The following WWOX variants were observed in gnomAD, a reference collection of about 807,000 sequenced individuals.
WWOX encodes the protein WW domain containing oxidoreductase.
A neutral mutation model predicts 46.2 loss-of-function variants in WWOX; 69 were observed. The observed-to-expected ratio is 1.49, with a 90% confidence interval of 1.23 to 1.82. The LOEUF (loss-of-function observed/expected upper bound fraction) is 1.82, where lower values mean the gene tolerates loss of function less well. WWOX is among the 40% of genes most tolerant of loss of function. The pLI, the probability that WWOX is intolerant of heterozygous loss-of-function variation, is 0.00. For synonymous variants in WWOX, 359 were observed against 202.6 expected (o/e 1.77, Z -6.56); for missense variants, 919 against 542.6 (o/e 1.69, Z -6.89).
intron 6 of WWOX, among the ~76,000 whole-genome samples, chr16:78,395,452 G>A (rs2082263717): frequency 6.6e-6 from 1 of 152,134 alleles, no homozygotes; most frequent in Non-Finnish European, 1.5e-5. Context: ...CAGCATGGTG[G>A]AGGCTGCCAT....
intron 8 of WWOX, among the ~76,000 whole-genome samples, chr16:78,886,934 T>C (rs2151221943): frequency 6.6e-6 from 1 of 152,218 alleles, no homozygotes; most frequent in East Asian, 1.9e-4. Context: ...TTCTATCCTA[T>C]GAAAGTGAAT....
intron 5 of WWOX, among the ~76,000 whole-genome samples, chr16:78,385,620 T>C (rs2082045411): frequency 6.6e-6 from 1 of 152,160 alleles, no homozygotes; most frequent in Non-Finnish European, 1.5e-5. Flanking sequence ...GCAATTACGC[T>C]GAACGTCTCA....
At chr16:78,463,294 C>T (rs146506253) in intron 8 of WWOX, among the ~76,000 whole-genome samples, 157 of 152,250 alleles carry the variant, frequency 1.0e-3, no homozygotes, top group African/African-American at 3.4e-3. Context: ...CATTGTCCAT[C>T]CGTGGTAAAA....
At chr16:78,540,414 C>G (rs2043863893) in intron 8 of WWOX, among the ~76,000 whole-genome samples, 1 of 152,124 alleles carries the variant, frequency 6.6e-6, no homozygotes, top group Admixed American at 6.5e-5. Flanking sequence ...TAGTCCAGCA[C>G]ATTTGCTGAT....
chr16:78,514,367 C>G (rs189400540), intron 8 of WWOX, among the ~76,000 whole-genome samples: 14 of 152,296 alleles, frequency 9.2e-5, no homozygotes. Context: ...TGTGAGTTCA[C>G]TATTAGGTCC....
chr16:78,358,574 C>T (rs1395391425), intron 5 of WWOX, among the ~76,000 whole-genome samples: 1 of 152,116 alleles, frequency 6.6e-6, no homozygotes, highest in East Asian at 1.9e-4. Flanking sequence ...CTGAGAATCG[C>T]TTGAACCTGG....
intron 8 of WWOX, among the ~76,000 whole-genome samples, chr16:78,612,985 A>G (rs932404498): frequency 1.4e-4 from 21 of 152,164 alleles, no homozygotes; most frequent in Admixed American, 1.2e-3. Flanking sequence ...CTACCTGTGG[A>G]TCTATGACCC....
At chr16:78,418,287 C>T (rs928092229) in intron 6 of WWOX, among the ~76,000 whole-genome samples, 2 of 151,914 alleles carry the variant, frequency 1.3e-5, no homozygotes, top group African/African-American at 2.4e-5. Context: ...TGGCGTGAAC[C>T]CGGGAGGTGG....
At chr16:78,667,370 T>C (rs931048884) in intron 8 of WWOX, among the ~76,000 whole-genome samples, 1 of 152,166 alleles carries the variant, frequency 6.6e-6, no homozygotes, top group African/African-American at 2.4e-5. Flanking sequence ...CTACTTTTTT[T>C]AGAAAATTAA....
intron 8 of WWOX, among the ~76,000 whole-genome samples, chr16:79,061,381 C>G (rs993270746): frequency 6.6e-6 from 1 of 152,192 alleles, no homozygotes; most frequent in Non-Finnish European, 1.5e-5. Context: ...AAGAAGAATG[C>G]AGTTCCACGA....
chr16:79,058,615 C>T (rs942458240), intron 8 of WWOX, among the ~76,000 whole-genome samples: 1 of 152,108 alleles, frequency 6.6e-6, no homozygotes, highest in Non-Finnish European at 1.5e-5. Flanking sequence ...TGAAGCTGGC[C>T]TAATCCCTGG....
chr16:79,082,953 G>A (rs2048787822), intron 8 of WWOX, among the ~76,000 whole-genome samples: 1 of 152,144 alleles, frequency 6.6e-6, no homozygotes, highest in Admixed American at 6.6e-5. Context: ...ACCCTAAAAT[G>A]TGGAAATCTA....
chr16:78,265,746 G>C (rs189124220), intron 5 of WWOX, among the ~76,000 whole-genome samples: 280 of 150,906 alleles, frequency 1.9e-3, no homozygotes, highest in Non-Finnish European at 3.0e-3. Context: ...GCACAAAGTT[G>C]TATCAGCTTT....
intron 5 of WWOX, among the ~76,000 whole-genome samples, chr16:78,304,903 A>G (rs899793156): frequency 7.9e-5 from 12 of 151,892 alleles, no homozygotes; most frequent in African/African-American, 2.7e-4. Context: ...TTTCCTCACT[A>G]TCCATTTTTC....
At chr16:78,341,890 G>C (rs73576482) in intron 5 of WWOX, among the ~76,000 whole-genome samples, 2,428 of 119,898 alleles carry the variant, frequency 0.02, 580 homozygotes, top group African/African-American at 0.066. Flanking sequence ...TGAGGTGAGA[G>C]GATTGCTTGT....
At chr16:78,383,340 G>T (rs1369956341) in intron 5 of WWOX, among the ~76,000 whole-genome samples, 1 of 152,002 alleles carries the variant, frequency 6.6e-6, no homozygotes, top group Non-Finnish European at 1.5e-5. Context: ...TGGGTATAGG[G>T]TGTTCTCTGT....
intron 4 of WWOX, among the ~76,000 whole-genome samples, chr16:78,147,675 CTTT>C (rs33931881): frequency 1.2e-4 from 11 of 90,634 alleles, no homozygotes; most frequent in African/African-American, 5.0e-4. Flanking sequence ...TTCTTTCTTC[CTTT>C]TTTTTTTTTT....
chr16:78,804,843 G>T (rs367794276), intron 8 of WWOX, among the ~76,000 whole-genome samples: 1 of 152,224 alleles, frequency 6.6e-6, no homozygotes, highest in East Asian at 1.9e-4. Flanking sequence ...TAGGCATTCT[G>T]TGATCCTTAG....
chr16:78,366,870 G>C (rs879478391), intron 5 of WWOX, among the ~76,000 whole-genome samples: 2 of 150,798 alleles, frequency 1.3e-5, no homozygotes, highest in Admixed American at 1.3e-4. Context: ...TATCATACGT[G>C]ACTCAGTTTT....
Sources: gnomAD v4.1 joint callset for allele counts (sites outside exome capture counted in the v4.1 genomes callset) on GRCh38, gnomAD v4.1.1 for gene constraint, MANE v1.5 for transcripts, NCBI Gene and HGNC (gene_info 2026-07-23, HGNC 2026-07-21) for gene names.